SOS2: variants seen among roughly 807,000 people sequenced by gnomAD.
SOS2 encodes SOS Ras/Rho guanine nucleotide exchange factor 2, also known as son of sevenless homolog 2.
Under a neutral mutation model 148.2 loss-of-function variants are expected in SOS2, and 65 were observed. That is an observed-to-expected ratio of 0.44 (90% confidence interval 0.36 to 0.54). SOS2 has a LOEUF of 0.54. SOS2 is among the 20% of genes least tolerant of loss of function. The pLI is 0.00. For synonymous variants in SOS2, 539 were observed against 537.1 expected, an observed-to-expected ratio of 1.00 and a Z score of -0.05; for missense variants, 1,341 against 1,590.2, an observed-to-expected ratio of 0.84 and a Z score of 2.67.
chr14:50,132,326 G>A (rs1422378485), intron 19 of SOS2, among the ~76,000 whole-genome samples: 1 of 146,776 alleles, frequency 6.8e-6, no homozygotes, highest in Non-Finnish European at 1.5e-5. Context: ...AGACCAGCCT[G>A]GGCAATATAG....
chr14:50,191,707 A>G (rs1276358777), intron 4 of SOS2, among the ~76,000 whole-genome samples: 1 of 152,178 alleles, frequency 6.6e-6, no homozygotes, highest in South Asian at 2.1e-4. Context: ...ATTATGGTAA[A>G]CCGGAAGGTA....
chr14:50,134,167 A>C lies in SOS2; in HGVS notation c.3031T>G (p.Ser1011Ala). The change falls in exon 19 of 23, where the codon TCA (serine) becomes GCA (alanine). Residue 1011 changes from serine (S) to alanine (A), a missense_variant. Ser to Ala is a moderately conservative substitution (Grantham distance 99). Around this residue, in one of 4 missense-constraint regions of SOS2, gnomAD observed 408 missense variants for 506.6 expected, o/e 0.81. Transcript: ENST00000216373. Reference sequence around the variant, plus strand: ...CAGTTTCGAGGTTCAATTTCTAGTGACTTGTTGAACAAATAATCTGTAAAC... The same window carrying C: ...CAGTTTCGAGGTTCAATTTCTAGTGCCTTGTTGAACAAATAATCTGTAAAC... ...KEFTDYLFNKSLEIEPRNCKQ... is the reference protein window; with the variant it reads ...KEFTDYLFNKALEIEPRNCKQ... 2 of 1,608,972 alleles carry C rather than the reference A, an allele frequency of 1.2e-6. No homozygotes were observed. The highest frequency in any genetic ancestry group is 1.7e-6 in the Non-Finnish European group (2 of 1,175,874).
intron 13 of SOS2, among the ~76,000 whole-genome samples, chr14:50,152,778 A>T (rs1487194365): frequency 6.6e-6 from 1 of 151,374 alleles, no homozygotes; most frequent in Non-Finnish European, 1.5e-5. Flanking sequence ...TCTTGTGGTG[A>T]ATGTGGTGAA....
chr14:50,162,024 C>G (rs1409718679), intron 8 of SOS2, among the ~76,000 whole-genome samples: 2 of 151,848 alleles, frequency 1.3e-5, no homozygotes, highest in East Asian at 3.9e-4. Context: ...GCTGGGATTA[C>G]AGGTATGAGC....
intron 18 of SOS2, among the ~76,000 whole-genome samples, chr14:50,136,532 G>T (rs1023823815): frequency 1.3e-5 from 2 of 151,968 alleles, no homozygotes; most frequent in Non-Finnish European, 2.9e-5. Flanking sequence ...ATGGTGAGAG[G>T]GGATGAAATA....
At chr14:50,230,786 CAA>C in intron 1 of SOS2, 1 of 550,978 alleles carries the variant, frequency 1.8e-6, no homozygotes, top group Non-Finnish European at 2.3e-6. Context: ...CCTTGACAAG[CAA>C]ACCGCCTAGG....
At chr14:50,195,142 A>C (rs1394800285) in intron 4 of SOS2, among the ~76,000 whole-genome samples, 1 of 152,226 alleles carries the variant, frequency 6.6e-6, no homozygotes. Context: ...AAGACCTAAC[A>C]TAATGGTACT....
chr14:50,181,483 C>T (rs1422044533), intron 6 of SOS2, among the ~76,000 whole-genome samples: 2 of 147,812 alleles, frequency 1.4e-5, no homozygotes, highest in Non-Finnish European at 3.0e-5. Context: ...AGGCATAGTG[C>T]AAATATGTTT....
intron 9 of SOS2, among the ~76,000 whole-genome samples, 190 bp downstream of exon 9, chr14:50,161,289 CCTT>C (rs1450624775): frequency 6.7e-4 from 100 of 148,772 alleles, no homozygotes; most frequent in African/African-American, 2.3e-3. Context: ...AAGAGAGACT[CCTT>C]CTCAAAAAAA....
intron 5 of SOS2, among the ~76,000 whole-genome samples, chr14:50,186,191 TA>T (rs998409119): frequency 2.6e-5 from 4 of 151,874 alleles, no homozygotes; most frequent in African/African-American, 7.3e-5. Flanking sequence ...TACTTAATGC[TA>T]AAAAAAATTA....
intron 19 of SOS2, among the ~76,000 whole-genome samples, chr14:50,131,884 T>C (rs1319339631): frequency 2.6e-5 from 4 of 152,192 alleles, no homozygotes; most frequent in Admixed American, 1.3e-4. Flanking sequence ...CCTGCTCTAA[T>C]TGAAGAGGAC....
intron 14 of SOS2, among the ~76,000 whole-genome samples, chr14:50,147,393 T>A (rs933187988): frequency 6.6e-6 from 1 of 151,452 alleles, no homozygotes; most frequent in African/African-American, 2.4e-5. Context: ...GTGCCTGTAG[T>A]TCTAGCTACT....
rs1360890231 is a variant in SOS2, at chr14:50,117,664, C to T, written c.*680G>A. On this transcript the variant is annotated 3_prime_UTR_variant, in exon 23 of 23. Transcript: ENST00000216373. ...CATTAGCTAAAGACGTCATAGTCTGCAAAAACAAAAGGCACATCTGAATGA... is the reference window on the plus strand; with the variant it reads ...CATTAGCTAAAGACGTCATAGTCTGTAAAAACAAAAGGCACATCTGAATGA... 6.6e-6 allele frequency: 1 copy of T among 152,186 alleles called. No individual in the cohort carries two copies. Among genetic ancestry groups the T allele is most frequent in the Non-Finnish European group, 1.5e-5 (1 of 68,028 alleles). 9.4% of individuals were successfully genotyped at this position (152,186 alleles called of 1,614,324 possible). A position where few individuals can be genotyped will look rare whatever the true frequency, so the allele number is the denominator to read the frequency against.
chr14:50,146,048 G>A (rs1190631110), intron 14 of SOS2, among the ~76,000 whole-genome samples: 6 of 150,054 alleles, frequency 4.0e-5, no homozygotes, highest in Non-Finnish European at 5.9e-5. Flanking sequence ...CAGGAGAATC[G>A]CTTGAACCCG....
At chr14:50,119,088 G>A (rs1883412284) in intron 22 of SOS2, among the ~76,000 whole-genome samples, 1 of 152,078 alleles carries the variant, frequency 6.6e-6, no homozygotes, top group Admixed American at 6.6e-5. Context: ...CTTGCTTTGT[G>A]TATACATTTC....
At chr14:50,184,864 CAAAAAAAAAAAAA>C (rs34039045) in intron 5 of SOS2, among the ~76,000 whole-genome samples, 7 of 57,128 alleles carry the variant, frequency 1.2e-4, no homozygotes, top group African/African-American at 4.6e-4. Flanking sequence ...ACCCTGTCTC[CAAAAAAAAAAAAA>C]AAAAAAAAAA....
chr14:50,118,806 C>A lies in SOS2; in HGVS notation c.3537G>T (p.Gln1179His), dbSNP rs768458643. The part of the protein sequence containing the change: ...DDDPPAIPPR[Q>H]PPPPKVKPRV... ...TGGGTTTTACCTTTGGAGGAGGAGG[C>A]TGTCTCGGTGGAATAGCAGGAGGAT... Residue 1179 changes from glutamine to histidine, a missense_variant, in exon 23 of 23, where the codon CAG becomes CAT. Gln to His is a conservative substitution (Grantham distance 24). This residue lies in a region of SOS2 where 354 missense variants were observed against 347.7 expected (regional missense o/e 1.02). Coordinates refer to ENST00000216373, the MANE Select transcript of SOS2 (RefSeq NM_006939.4). 1 of 1,531,826 alleles carries A rather than the reference C, an allele frequency of 6.5e-7. No homozygotes were observed. Among genetic ancestry groups the A allele is most frequent in the Admixed American group, 2.0e-5 (1 of 50,484 alleles). The allele number at this position is 1,531,826 out of a possible 1,614,324, so 94.9% of individuals were successfully genotyped here.
At chr14:50,187,543 GT>G (rs1215285625) in intron 5 of SOS2, among the ~76,000 whole-genome samples, 4 of 151,560 alleles carry the variant, frequency 2.6e-5, no homozygotes, top group African/African-American at 9.7e-5. Flanking sequence ...TGGAGACGGG[GT>G]TTCACCGTGT....
At chr14:50,230,877 A>G in intron 1 of SOS2, 1 of 1,036,386 alleles carries the variant, frequency 9.6e-7, no homozygotes, top group Non-Finnish European at 1.2e-6. Flanking sequence ...CTGTCTAAAT[A>G]CCAGCGGGAC....
Sources: gnomAD v4.1 joint callset for allele counts (sites outside exome capture counted in the v4.1 genomes callset) on GRCh38, gnomAD v4.1.1 for gene constraint, gnomAD v4.1.1 regional missense constraint, MANE v1.5 for transcripts, NCBI Gene and HGNC (gene_info 2026-07-23, HGNC 2026-07-21) for gene names.